Variants in CDH4 observed in about 807,000 individuals in gnomAD.
CDH4 encodes cadherin-4.
Under a neutral mutation model 86.0 loss-of-function variants are expected in CDH4, and 33 were observed. The observed-to-expected ratio is 0.38, with a 90% CI of 0.29 to 0.51. The LOEUF is 0.51. Among genes scored for constraint, CDH4 ranks in the 20% least tolerant of loss-of-function variants. The pLI is 0.86. For synonymous variants in CDH4, 555 were observed against 549.4 expected (o/e 1.01, Z -0.14); for missense variants, 1,114 against 1,307.4 (o/e 0.85, Z 2.28).
chr20:61,866,949 C>T (rs560903359), intron 6 of CDH4, among the ~76,000 whole-genome samples: 145 of 152,340 alleles, frequency 9.5e-4, no homozygotes, highest in African/African-American at 3.4e-3. Context: ...AGAGGGGCCT[C>T]CCAAAGAGGG....
chr20:61,849,699 C>T (rs1161326569), intron 5 of CDH4, among the ~76,000 whole-genome samples: 1 of 152,194 alleles, frequency 6.6e-6, no homozygotes, highest in African/African-American at 2.4e-5. Context: ...TGAAGGGCAC[C>T]TGCATGCCTC....
intron 2 of CDH4, among the ~76,000 whole-genome samples, chr20:61,669,180 A>AGCACTATG (rs1459345312): frequency 6.6e-6 from 1 of 152,230 alleles, no homozygotes; most frequent in East Asian, 1.9e-4. Flanking sequence ...GGGCATTCAG[A>AGCACTATG]GCACTATGGG....
intron 2 of CDH4, among the ~76,000 whole-genome samples, chr20:61,474,773 G>A (rs75539919): frequency 0.031 from 4,633 of 151,432 alleles, 108 homozygotes; most frequent in Non-Finnish European, 0.046. Flanking sequence ...ATTTTTATAT[G>A]TTCTATTAAG....
intron 2 of CDH4, among the ~76,000 whole-genome samples, chr20:61,633,627 G>A (rs1289657420): frequency 1.3e-5 from 2 of 152,172 alleles, no homozygotes; most frequent in Non-Finnish European, 2.9e-5. Context: ...TATCATGGTG[G>A]TAAAAAGCAT....
chr20:61,779,020 C>T (rs1453698431), intron 4 of CDH4, among the ~76,000 whole-genome samples: 2 of 152,172 alleles, frequency 1.3e-5, no homozygotes, highest in African/African-American at 4.8e-5. Flanking sequence ...GTCCCTCGGC[C>T]CTTGTAGGGC....
At chr20:61,379,678 T>A (rs1600918316) in intron 2 of CDH4, among the ~76,000 whole-genome samples, 2 of 152,178 alleles carry the variant, frequency 1.3e-5, no homozygotes, top group South Asian at 4.1e-4. Context: ...TTAAATGCAC[T>A]GATTCGACAA....
chr20:61,355,793 G>A (rs766298602), intron 2 of CDH4, among the ~76,000 whole-genome samples: 1 of 152,162 alleles, frequency 6.6e-6, no homozygotes, highest in Non-Finnish European at 1.5e-5. Context: ...ACACACATGC[G>A]TACCACACAT....
intron 1 of CDH4, among the ~76,000 whole-genome samples, 167 bp from the exon 2 acceptor site, chr20:61,254,659 C>T: frequency 6.6e-6 from 1 of 152,156 alleles, no homozygotes; most frequent in East Asian, 1.9e-4. Context: ...CCTAAAGTCC[C>T]CAGAGAGCAG....
rs1428837811 is a variant in CDH4, at chr20:61,902,910, A to G, written c.1189-7512A>G. The stretch of plus-strand genomic sequence containing the variant: ...GGCACAGGCCTGTAGCTCCAGCTAC[A>G]TGGGAGGCCGAGGCAGGAGGATCAC... On this transcript the variant is annotated intron_variant, in intron 8 of 15. Transcript: ENST00000614565. The surrounding 1 kb of genome is among the most constrained non-coding windows in gnomAD (Gnocchi z 4.6). Among the ~76,000 whole-genome samples, 1 of 151,036 alleles carries G rather than the reference A, an allele frequency of 6.6e-6. No homozygotes were observed. Among genetic ancestry groups the G allele is most frequent in the East Asian group, 2.0e-4 (1 of 5,022 alleles).
At chr20:61,655,283 G>A (rs967205670) in intron 2 of CDH4, among the ~76,000 whole-genome samples, 17 of 152,178 alleles carry the variant, frequency 1.1e-4, no homozygotes, top group Non-Finnish European at 2.2e-4. Context: ...GTGCTTTAAA[G>A]TTGTATGTGC....
chr20:61,869,090 C>G (rs182811840), intron 6 of CDH4, among the ~76,000 whole-genome samples: 2 of 152,338 alleles, frequency 1.3e-5, no homozygotes, highest in Admixed American at 1.3e-4. Flanking sequence ...CTAAGTCTTT[C>G]CTATGATTTT....
intron 2 of CDH4, among the ~76,000 whole-genome samples, chr20:61,291,904 C>A (rs1158907657): frequency 1.3e-5 from 2 of 152,210 alleles, no homozygotes; most frequent in Non-Finnish European, 2.9e-5. Context: ...TCCCACCCTC[C>A]CTGCTCAAGT....
intron 2 of CDH4, among the ~76,000 whole-genome samples, chr20:61,493,669 G>A (rs1240513809): frequency 1.3e-5 from 2 of 152,202 alleles, no homozygotes; most frequent in East Asian, 3.9e-4. Flanking sequence ...CCATCTTGGG[G>A]CTAGTGGTCT....
At position 61,879,166 on chromosome 20, in the gene CDH4, C is replaced by T. The variant is rs1248535245; in HGVS notation, c.1050+5266C>T. 1.3e-5 allele frequency among the ~76,000 whole-genome samples: 2 copies of T among 152,318 alleles called. No individual in the cohort carries two copies. Among genetic ancestry groups the T allele is most frequent in the African/African-American group, 4.8e-5 (2 of 41,582 alleles). ...CGCCAAGCGAGCACCAGTTCAGCTCCCCCGGGACCCGGCCTTCACCCAGCA... is the reference window on the plus strand; with the variant it reads ...CGCCAAGCGAGCACCAGTTCAGCTCTCCCGGGACCCGGCCTTCACCCAGCA... On this transcript the variant is annotated intron_variant, in intron 7 of 15. Coordinates refer to ENST00000614565, the MANE Select transcript of CDH4 (RefSeq NM_001794.5). The surrounding 1 kb of genome is among the most constrained non-coding windows in gnomAD (Gnocchi z 4.1).
At chr20:61,680,036 G>A (rs968620799) in intron 2 of CDH4, among the ~76,000 whole-genome samples, 1 of 152,222 alleles carries the variant, frequency 6.6e-6, no homozygotes, top group Non-Finnish European at 1.5e-5. Flanking sequence ...ACAGCCTGGG[G>A]CACCCGGCGG....
rs113658171 is a variant in CDH4, at chr20:61,770,361, T to C, written c.397-2642T>C. ...CCGGCCAGCTTTGTCCTCCCTGCCT[T>C]GGGCTGCCCTGGTGCAAGGTCCATT... On this transcript the variant is annotated intron_variant, in intron 3 of 15. Transcript: ENST00000614565. Among the ~76,000 whole-genome samples the C allele has an allele frequency of 1.1e-3, 163 of 152,332 alleles. 1 individual carries two copies. Among genetic ancestry groups the C allele is most frequent in the Non-Finnish European group, 2.0e-3 (137 of 68,020 alleles).
intron 2 of CDH4, among the ~76,000 whole-genome samples, chr20:61,485,830 C>T (rs2085593352): frequency 6.6e-6 from 1 of 152,228 alleles, no homozygotes; most frequent in Non-Finnish European, 1.5e-5. Context: ...TGTCGACATC[C>T]AGCTCCTTGG....
chr20:61,253,535 G>A (rs905644485), intron 1 of CDH4, among the ~76,000 whole-genome samples: 46 of 152,038 alleles, frequency 3.0e-4, no homozygotes, highest in African/African-American at 1.1e-3. Context: ...GCGGCGGGAG[G>A]CCCGCTCCGA....
intron 2 of CDH4, among the ~76,000 whole-genome samples, chr20:61,571,765 A>AC (rs2086343400): frequency 3.4e-5 from 1 of 29,694 alleles, no homozygotes; most frequent in Non-Finnish European, 7.0e-5. Context: ...TCCCCTTCCC[A>AC]CCCTTCCCCA....
Sources: gnomAD v4.1 joint callset for allele counts (sites outside exome capture counted in the v4.1 genomes callset) on GRCh38, gnomAD v4.1.1 for gene constraint, Gnocchi (gnomAD v3.1) non-coding constraint, MANE v1.5 for transcripts, NCBI Gene and HGNC (gene_info 2026-07-23, HGNC 2026-07-21) for gene names.